Variants in NXPE2 observed in about 807,000 individuals in gnomAD.
NXPE2 encodes the protein neurexophilin and PC-esterase domain family member 2, also known as NXPE family member 2.
NXPE2 carries 34 observed loss-of-function variants against 34.4 expected under a neutral mutation model. The ratio of observed to expected loss-of-function variants is 0.99; its 90% CI spans 0.75 to 1.31. NXPE2 has a LOEUF of 1.31. Among genes scored for constraint, NXPE2 ranks in the 40% most tolerant of loss-of-function variants. The pLI is 0.00. For synonymous variants in NXPE2, 235 were observed against 231.3 expected (o/e 1.02, Z -0.15); for missense variants, 649 against 672.5 (o/e 0.97, Z 0.39).
chr11:114,503,808 A>G, the NXPE2 span, among the ~76,000 whole-genome samples: 4 of 152,238 alleles, frequency 2.6e-5, no homozygotes. Flanking sequence ...AGTGTATCCA[A>G]TACAATAAAT....
chr11:114,580,083 A>G, the NXPE2 span: 1 of 1,464,684 alleles, frequency 6.8e-7, no homozygotes, highest in South Asian at 1.1e-5. Context: ...TTGAAATGGA[A>G]AAGAAGTTTC....
At chr11:114,793,977 A>G in the NXPE2 span, among the ~76,000 whole-genome samples, 2 of 152,174 alleles carry the variant, frequency 1.3e-5, no homozygotes, top group Non-Finnish European at 2.9e-5. Flanking sequence ...TTACCTGGCA[A>G]GTGCTATAGT....
At chr11:114,536,256 C>G in the NXPE2 span, among the ~76,000 whole-genome samples, 15 of 152,194 alleles carry the variant, frequency 9.9e-5, no homozygotes, top group East Asian at 2.9e-3. Context: ...CACAACATAC[C>G]AGAATCTCTG....
chr11:114,587,277 G>A, the NXPE2 span, among the ~76,000 whole-genome samples: 1 of 152,138 alleles, frequency 6.6e-6, no homozygotes, highest in African/African-American at 2.4e-5. Flanking sequence ...GTTCTTTTAA[G>A]GCACCTATTC....
At chr11:114,616,519 G>A in the NXPE2 span, among the ~76,000 whole-genome samples, 556 of 151,748 alleles carry the variant, frequency 3.7e-3, 23 homozygotes, top group African/African-American at 0.013. Context: ...AATATGTATT[G>A]TCTGGTGGGT....
chr11:114,564,274 T>C, the NXPE2 span, among the ~76,000 whole-genome samples: 9 of 152,164 alleles, frequency 5.9e-5, no homozygotes, highest in South Asian at 2.1e-4. Flanking sequence ...CATAAAGGCA[T>C]AAAAAGTGAT....
the NXPE2 span, among the ~76,000 whole-genome samples, chr11:114,734,944 TA>T: frequency 2.0e-5 from 3 of 152,006 alleles, no homozygotes; most frequent in Non-Finnish European, 2.9e-5. Context: ...CTGTCTCCAC[TA>T]AAAAATACAA....
chr11:114,781,004 C>CT, the NXPE2 span, among the ~76,000 whole-genome samples: 1 of 152,078 alleles, frequency 6.6e-6, no homozygotes, highest in Non-Finnish European at 1.5e-5. Context: ...TGTGGCTTTT[C>CT]TTTTTTGTAT....
chr11:114,639,104 C>T, the NXPE2 span, among the ~76,000 whole-genome samples: 1 of 152,068 alleles, frequency 6.6e-6, no homozygotes, highest in Non-Finnish European at 1.5e-5. Context: ...CCTCCTTGAG[C>T]TGTGGTGGGC....
chr11:114,703,958 T>C (rs1223349319), intron 3 of NXPE2, 33 bp from the exon 4 acceptor site: 1 of 1,476,934 alleles, frequency 6.8e-7, no homozygotes, highest in Non-Finnish European at 9.3e-7. Context: ...TCTGGGCAGA[T>C]ATTAAGCTAA....
the NXPE2 span, among the ~76,000 whole-genome samples, chr11:114,575,006 G>T: frequency 6.6e-6 from 1 of 152,120 alleles, no homozygotes; most frequent in African/African-American, 2.4e-5. Flanking sequence ...GATCAAGTGG[G>T]TTTCATACCA....
the NXPE2 span, among the ~76,000 whole-genome samples, chr11:114,634,066 T>C: frequency 6.6e-6 from 1 of 151,914 alleles, no homozygotes; most frequent in Non-Finnish European, 1.5e-5. Flanking sequence ...TGAACTAGTT[T>C]ACAGTTCCAC....
chr11:114,539,187 A>T, the NXPE2 span, among the ~76,000 whole-genome samples: 1 of 152,056 alleles, frequency 6.6e-6, no homozygotes, highest in Non-Finnish European at 1.5e-5. Flanking sequence ...ACAAGGACAA[A>T]AAACCAAATA....
At chr11:114,704,085 A>G in intron 4 of NXPE2, 33 bp downstream of exon 4, 4 of 1,454,482 alleles carry the variant, frequency 2.8e-6, no homozygotes, top group East Asian at 2.5e-5. Context: ...TGCCATGATC[A>G]CAATTTATCC....
At chr11:114,781,513 G>T in the NXPE2 span, among the ~76,000 whole-genome samples, 2 of 152,200 alleles carry the variant, frequency 1.3e-5, no homozygotes, top group African/African-American at 4.8e-5. Flanking sequence ...GATCTCACAG[G>T]TAGTGGTAAA....
chr11:114,606,373 T>C, the NXPE2 span, among the ~76,000 whole-genome samples: 4 of 139,528 alleles, frequency 2.9e-5, no homozygotes, highest in Admixed American at 2.8e-4. Context: ...AGTGGATACT[T>C]AGTGTTGCCT....
At chr11:114,594,843 T>C in the NXPE2 span, 1 of 806,902 alleles carries the variant, frequency 1.2e-6, no homozygotes, top group Non-Finnish European at 2.0e-6. Context: ...TGGGAAACAT[T>C]TGAAATTTTT....
the NXPE2 span, among the ~76,000 whole-genome samples, chr11:114,514,113 G>T: frequency 6.6e-6 from 1 of 151,962 alleles, no homozygotes; most frequent in African/African-American, 2.4e-5. Context: ...AAAATGCATT[G>T]TTCTGTGCCT....
the NXPE2 span, among the ~76,000 whole-genome samples, chr11:114,545,501 A>G: frequency 6.6e-6 from 1 of 152,192 alleles, no homozygotes; most frequent in Non-Finnish European, 1.5e-5. Flanking sequence ...TTACTATGAC[A>G]TTCTGGAAAA....
Sources: allele counts gnomAD v4.1 joint callset (sites outside exome capture counted in the v4.1 genomes callset), GRCh38; gene constraint gnomAD v4.1.1; transcripts MANE v1.5; gene names NCBI Gene and HGNC (gene_info 2026-07-23, HGNC 2026-07-21).